The following DCDC1 variants were observed in gnomAD, a reference collection of about 807,000 sequenced individuals.
DCDC1 encodes the protein doublecortin domain containing 1, also known as doublecortin domain-containing protein 1.
DCDC1 carries 200 observed loss-of-function variants against 178.3 expected under a neutral mutation model. The ratio of observed to expected loss-of-function variants is 1.12; its 90% CI spans 1.00 to 1.26. The LOEUF is 1.26. Among genes scored for constraint, DCDC1 ranks in the 50% most tolerant of loss-of-function variants. The probability of loss-of-function intolerance (pLI) is 0.00; values close to 1 mark genes in which losing one functional copy is unlikely to be tolerated. For missense variants in DCDC1, 1,983 were observed against 1,749.2 expected (o/e 1.13, Z -2.38); for synonymous variants, 690 against 604.8 (o/e 1.14, Z -2.07).
intron 11 of DCDC1, among the ~76,000 whole-genome samples, chr11:31,121,255 T>C (rs1276259354): frequency 2.6e-5 from 4 of 151,758 alleles, no homozygotes; most frequent in Non-Finnish European, 5.9e-5. Flanking sequence ...CGAGTGCACA[T>C]GAAAATGACG....
At chr11:31,079,484 G>A (rs1356891842) in intron 17 of DCDC1, among the ~76,000 whole-genome samples, 1 of 152,134 alleles carries the variant, frequency 6.6e-6, no homozygotes, top group East Asian at 1.9e-4. Flanking sequence ...CCAACGAGGG[G>A]GTCATGAGAA....
intron 9 of DCDC1, among the ~76,000 whole-genome samples, chr11:31,171,364 T>A (rs1967218004): frequency 6.6e-6 from 1 of 152,184 alleles, no homozygotes; most frequent in Non-Finnish European, 1.5e-5. Context: ...TGTGGCTGTG[T>A]TTCTTCAAAA....
At chr11:31,279,195 C>A (rs1401789307) in intron 7 of DCDC1, among the ~76,000 whole-genome samples, 1 of 151,994 alleles carries the variant, frequency 6.6e-6, no homozygotes, top group Non-Finnish European at 1.5e-5. Flanking sequence ...TTAAGTATTT[C>A]ATGTGTTTGA....
chr11:31,039,530 G>A (rs371885787), intron 20 of DCDC1, among the ~76,000 whole-genome samples: 3 of 152,186 alleles, frequency 2.0e-5, no homozygotes, highest in African/African-American at 7.2e-5. Context: ...ATGGTAATAA[G>A]TGCAAAATGA....
intron 38 of DCDC1, among the ~76,000 whole-genome samples, chr11:30,871,962 G>C (rs983383098): frequency 4.6e-5 from 7 of 152,010 alleles, no homozygotes; most frequent in Admixed American, 3.9e-4. Flanking sequence ...ATACATTGCA[G>C]TGGGAAGCCA....
intron 26 of DCDC1, among the ~76,000 whole-genome samples, chr11:30,916,033 A>C (rs527455158): frequency 6.6e-6 from 1 of 152,324 alleles, no homozygotes; most frequent in African/African-American, 2.4e-5. Flanking sequence ...ATTTAAAATT[A>C]AGTAAGAGAA....
chr11:31,065,288 T>C, intron 18 of DCDC1, 135 bp from the exon 19 acceptor site: 1 of 471,360 alleles, frequency 2.1e-6, no homozygotes, highest in South Asian at 4.6e-5. Context: ...TACTTTATTA[T>C]CAATTTCATA....
Position 31,233,652 on chromosome 11 carries a change from A to G in DCDC1, c.1221+7798T>C, listed in dbSNP as rs1976102671. Among the ~76,000 whole-genome samples, 3 of 152,124 alleles carry G rather than the reference A, an allele frequency of 2.0e-5. No homozygotes were observed. In the South Asian group the frequency reaches 6.2e-4, roughly 31 times the overall value. On this transcript the variant is annotated intron_variant, in intron 9 of 38. Coordinates refer to ENST00000684477, the MANE Select transcript of DCDC1 (RefSeq NM_001387274.1). ...CACCTGGTGGTTGGAAGGCAAACAG[A>G]TTGTGAACTATATGTGTTTTGTTTT...
At chr11:31,085,520 T>C (rs1034762666) in intron 17 of DCDC1, among the ~76,000 whole-genome samples, 37 of 152,288 alleles carry the variant, frequency 2.4e-4, no homozygotes, top group African/African-American at 8.4e-4. Context: ...TTTTCTACTT[T>C]CCTTCAGCGT....
rs553034789 is a variant in DCDC1 at position 30,905,156 on chromosome 11, CA to C, written c.4112del (p.Leu1371CysfsTer10). ...FKVISVAEVDLSCDKAEKTLS... is the reference protein window; with the variant it reads ...FKVISVAEVDXSCDKAEKTLS... Reference sequence around the variant, plus strand: ...GAGTTTTTTCAGCCTTGTCACACGACAAATCAACCTAATTTTTTAAAAAATA... The same window carrying C: ...GAGTTTTTTCAGCCTTGTCACACGACAATCAACCTAATTTTTTAAAAAATA... On this transcript the variant is annotated frameshift_variant, in exon 31 of 39. Transcript: ENST00000684477. LOFTEE classifies it high-confidence loss of function. 1.5e-5 allele frequency: 24 copies of C among 1,590,614 alleles called. No homozygotes were observed. The South Asian group carries it at 2.1e-4, about 14-fold the overall frequency.
chr11:31,261,446 C>A (rs1046010065), intron 8 of DCDC1, among the ~76,000 whole-genome samples: 3 of 152,220 alleles, frequency 2.0e-5, no homozygotes, highest in South Asian at 2.1e-4. Flanking sequence ...TTGGGTTCCA[C>A]ATCCCTGGAC....
At chr11:31,219,590 C>T (rs1254728396) in intron 9 of DCDC1, among the ~76,000 whole-genome samples, 1 of 152,130 alleles carries the variant, frequency 6.6e-6, no homozygotes, top group East Asian at 1.9e-4. Flanking sequence ...AAGAATTAGA[C>T]TTATTCTAAA....
intron 9 of DCDC1, among the ~76,000 whole-genome samples, chr11:31,162,827 T>C (rs533705201): frequency 2.9e-4 from 44 of 152,300 alleles, no homozygotes; most frequent in African/African-American, 8.9e-4. Flanking sequence ...CCCTACTTTA[T>C]AAGAGAAGTA....
chr11:30,998,977 T>A (rs1328085562), intron 20 of DCDC1, among the ~76,000 whole-genome samples: 1 of 152,176 alleles, frequency 6.6e-6, no homozygotes, highest in African/African-American at 2.4e-5. Context: ...AAAAAGAGAA[T>A]ATTACTTCTG....
chr11:31,007,035 T>C (rs1951885729), intron 20 of DCDC1, among the ~76,000 whole-genome samples: 1 of 152,190 alleles, frequency 6.6e-6, no homozygotes, highest in South Asian at 2.1e-4. Flanking sequence ...CCTGCCATGG[T>C]CAAATGTAGG....
chr11:31,259,674 G>A (rs1386325700), intron 8 of DCDC1, among the ~76,000 whole-genome samples: 1 of 152,160 alleles, frequency 6.6e-6, no homozygotes, highest in Non-Finnish European at 1.5e-5. Context: ...AAGACAGTGT[G>A]CACTGGTCAA....
chr11:30,903,097 C>T (rs1032987912), intron 32 of DCDC1, among the ~76,000 whole-genome samples: 1 of 152,004 alleles, frequency 6.6e-6, no homozygotes, highest in South Asian at 2.1e-4. Flanking sequence ...ATTGACCCAG[C>T]CCCAATTTCT....
chr11:31,118,764 C>A (rs1201495479), intron 11 of DCDC1, among the ~76,000 whole-genome samples: 2 of 152,186 alleles, frequency 1.3e-5, no homozygotes, highest in Admixed American at 1.3e-4. Context: ...CCGCTGACTG[C>A]CCACCTGGCA....
rs1389492327 is a variant in DCDC1, at chr11:30,864,208, A to G, written c.*1165T>C. On this transcript the variant is annotated 3_prime_UTR_variant, in exon 39 of 39. Transcript: ENST00000684477. The stretch of plus-strand genomic sequence containing the variant: ...TTAAAGAGCTATATAAACCAAATCA[A>G]CTTGAGAACTGCTTCATGATTGCCT... 6.6e-6 allele frequency: 1 copy of G among 152,238 alleles called. No individual in the cohort carries two copies. The highest frequency in any genetic ancestry group is 1.5e-5 in the Non-Finnish European group (1 of 68,042). 9.4% of individuals were successfully genotyped at this position (152,238 alleles called of 1,614,324 possible).
Sources: allele counts gnomAD v4.1 joint callset (sites outside exome capture counted in the v4.1 genomes callset), GRCh38; gene constraint gnomAD v4.1.1; transcripts MANE v1.5; gene names NCBI Gene and HGNC (gene_info 2026-07-23, HGNC 2026-07-21).